The following DMBT1 variants were observed in gnomAD, a reference collection of about 807,000 sequenced individuals.
The protein encoded by DMBT1 is scavenger receptor cysteine-rich domain-containing protein DMBT1.
DMBT1 carries 198 observed loss-of-function variants against 252.9 expected under a neutral mutation model. The ratio of observed to expected loss-of-function variants is 0.78; its 90% CI spans 0.70 to 0.88. The LOEUF (loss-of-function observed/expected upper bound fraction) is 0.88. Among genes scored for constraint, DMBT1 ranks in the 40% least tolerant of loss-of-function variants. DMBT1 has a pLI of 0.00. For synonymous variants in DMBT1, 990 were observed against 942.7 expected, an observed-to-expected ratio of 1.05 and a Z score of -0.92; for missense variants, 2,432 against 2,404.7, an observed-to-expected ratio of 1.01 and a Z score of -0.24.
Position 122,598,912 on chromosome 10 carries a change from G to A in DMBT1, c.3095G>A (p.Arg1032Lys), listed in dbSNP as rs776942534. 28 of 1,613,736 alleles carry A rather than the reference G, an allele frequency of 1.7e-5. No homozygotes were observed. Among genetic ancestry groups the A allele is most frequent in the Non-Finnish European group, 2.1e-5 (25 of 1,179,772 alleles). The change falls in exon 26 of 56, where the codon AGG becomes AAG. Residue 1032 changes from arginine (R) to lysine (K), a missense_variant. Around this residue, in one of 3 missense-constraint regions of DMBT1, gnomAD observed 1,264 missense variants for 1,082.2 expected, o/e 1.17. Transcript: ENST00000338354. ...WDTNDANVVC[R>K]QLGCGWAMSA... ...ACCAATGATGCCAATGTCGTCTGCA[G>A]GCAACTGGGCTGTGGCTGGGCCATG...
chr10:122,631,895 A>G lies in DMBT1; in HGVS notation c.6367+20A>G. Reference sequence around the variant, plus strand: ...CACCTGGTAAGTCCCTCCGATTTCCATTCCACTTCCCTGGTCTCCAGGTCT... The same window carrying G: ...CACCTGGTAAGTCCCTCCGATTTCCGTTCCACTTCCCTGGTCTCCAGGTCT... On this transcript the variant is annotated intron_variant, in intron 50 of 55. Transcript: ENST00000338354. The G allele has an allele frequency of 6.2e-7, 1 of 1,613,090 alleles. No individual in the cohort carries two copies. The highest frequency in any genetic ancestry group is 8.5e-7 in the Non-Finnish European group (1 of 1,179,304).
chr10:122,632,781 A>G, intron 50 of DMBT1, 80 bp from the exon 51 acceptor site: 3 of 1,567,284 alleles, frequency 1.9e-6, no homozygotes, highest in Admixed American at 1.8e-5. Context: ...TTGGCACAGC[A>G]TCTGCACAGC....
At position 122,570,180 on chromosome 10, in the gene DMBT1, A is replaced by G. The variant is rs1367064735; in HGVS notation, c.110A>G (p.Glu37Gly). The change falls in exon 3 of 56, where the codon GAG becomes GGG. Residue 37 changes from glutamate (E) to glycine (G), a missense_variant. By Grantham distance (98) the Glu-to-Gly change is moderately conservative. Transcript: ENST00000338354. The stretch of plus-strand genomic sequence containing the variant: ...CTCGCAGCTTCACTGATTCCCTCGG[A>G]GGTGCCCTTGGATCCAACTGTAGCA... ...TTDYASLIPS[E>G]VPLDPTVAEG... 1 of 1,594,648 alleles carries G rather than the reference A, an allele frequency of 6.3e-7. No homozygotes were observed. The highest frequency in any genetic ancestry group is 8.6e-7 in the Non-Finnish European group (1 of 1,162,412).
intron 16 of DMBT1, among the ~76,000 whole-genome samples, chr10:122,588,618 C>T (rs1019864032): frequency 6.7e-6 from 1 of 148,946 alleles, no homozygotes; most frequent in African/African-American, 2.4e-5. Context: ...AACTCTTGAA[C>T]ATGGGGACAG....
intron 46 of DMBT1, among the ~76,000 whole-genome samples, chr10:122,628,031 A>T (rs916543619): frequency 6.6e-6 from 1 of 152,212 alleles, no homozygotes; most frequent in African/African-American, 2.4e-5. Flanking sequence ...AGTGTTGATG[A>T]GGATGTGGAG....
chr10:122,573,279 T>C (rs773345431), intron 5 of DMBT1, among the ~76,000 whole-genome samples: 3 of 149,714 alleles, frequency 2.0e-5, no homozygotes, highest in Non-Finnish European at 3.0e-5. Context: ...TAGTTTTGCA[T>C]TCTGGAAAGG....
At chr10:122,573,563 C>T (rs951327194) in intron 5 of DMBT1, among the ~76,000 whole-genome samples, 152 bp from the exon 6 acceptor site, 1 of 152,180 alleles carries the variant, frequency 6.6e-6, no homozygotes, top group African/African-American at 2.4e-5. Context: ...AGTACAATGA[C>T]AAAGCGATTG....
intron 10 of DMBT1, among the ~76,000 whole-genome samples, 154 bp downstream of exon 10, chr10:122,580,055 C>T (rs1269197750): frequency 6.6e-6 from 1 of 152,212 alleles, no homozygotes; most frequent in Non-Finnish European, 1.5e-5. Context: ...TATGTACTCA[C>T]TGCCTAGTGT....
chr10:122,629,671 G>A (rs763775166), intron 46 of DMBT1, among the ~76,000 whole-genome samples, 169 bp from the exon 47 acceptor site: 10 of 152,226 alleles, frequency 6.6e-5, no homozygotes, highest in Non-Finnish European at 1.5e-4. Context: ...AGCTTCTAAT[G>A]TTGGGCCACC....
intron 24 of DMBT1, among the ~76,000 whole-genome samples, chr10:122,597,490 C>A (rs984621556): frequency 9.8e-5 from 15 of 152,312 alleles, no homozygotes; most frequent in Middle Eastern, 6.8e-3. Context: ...CTCCCTTCCT[C>A]ACTCCTTCCA....
chr10:122,641,114 A>G (rs2133702874), intron 55 of DMBT1, among the ~76,000 whole-genome samples: 1 of 152,278 alleles, frequency 6.6e-6, no homozygotes, highest in South Asian at 2.1e-4. Context: ...CTGGGAGTCC[A>G]CGGGTTCCAG....
At chr10:122,623,250 C>T (rs2098087304) in intron 44 of DMBT1, among the ~76,000 whole-genome samples, 1 of 152,218 alleles carries the variant, frequency 6.6e-6, no homozygotes, top group African/African-American at 2.4e-5. Flanking sequence ...CTACTTTTAA[C>T]TGCCAACTAA....
chr10:122,590,702 C>G lies in DMBT1; in HGVS notation c.2137+8C>G. 6.3e-7 allele frequency: 1 copy of G among 1,587,232 alleles called. No homozygotes were observed. The highest frequency in any genetic ancestry group is 8.6e-7 in the Non-Finnish European group (1 of 1,164,880). On this transcript the variant is annotated splice_region_variant and intron_variant, in intron 18 of 55. Coordinates refer to ENST00000338354, the MANE Select transcript of DMBT1 (RefSeq NM_001377530.1). ...GGTCGACGCCCAGGCCAGGTGAGTCCCCAGTGTCCTTCCTTGGGATGTCCC... is the reference window on the plus strand; with the variant it reads ...GGTCGACGCCCAGGCCAGGTGAGTCGCCAGTGTCCTTCCTTGGGATGTCCC...
intron 41 of DMBT1, 90 bp from the exon 42 acceptor site, chr10:122,619,218 C>T: frequency 6.5e-7 from 1 of 1,534,206 alleles, no homozygotes; most frequent in East Asian, 2.2e-5. Context: ...GACTGAGTGT[C>T]AGGCTTGCCC....
chr10:122,575,653 GC>G (rs1394119562), intron 6 of DMBT1, among the ~76,000 whole-genome samples: 2 of 152,130 alleles, frequency 1.3e-5, no homozygotes, highest in African/African-American at 4.8e-5. Flanking sequence ...AGGTCATGTT[GC>G]CAACTATATC....
chr10:122,634,456 C>G (rs200204926), intron 52 of DMBT1, among the ~76,000 whole-genome samples: 1 of 101,714 alleles, frequency 9.8e-6, no homozygotes. Flanking sequence ...CTCTCTCTCT[C>G]TCTCTCTCTC....
intron 7 of DMBT1, 101 bp from the exon 8 acceptor site, chr10:122,577,710 G>C: frequency 7.3e-7 from 1 of 1,373,126 alleles, no homozygotes; most frequent in South Asian, 1.3e-5. Context: ...GCGTGTGATG[G>C]GCATCAGCTC....
chr10:122,598,016 A>T lies in DMBT1; in HGVS notation c.2956+4A>T, dbSNP rs2097900071. 6.2e-7 allele frequency: 1 copy of T among 1,613,794 alleles called. No homozygotes were observed. Among genetic ancestry groups the T allele is most frequent in the African/African-American group, 1.3e-5 (1 of 74,908 alleles). On this transcript the variant is annotated splice_donor_region_variant and intron_variant, in intron 25 of 55. Transcript: ENST00000338354. ...ACCTTGCCTGCATCGACAGTAGGTA[A>T]ATATTCCTCTCGCCCCTCCCTAGGG...
intron 16 of DMBT1, among the ~76,000 whole-genome samples, chr10:122,587,396 G>A (rs1460211590): frequency 7.4e-5 from 11 of 148,848 alleles, no homozygotes; most frequent in Admixed American, 2.0e-4. Context: ...GTGCTTGATT[G>A]CAATTCCCTC....
Sources: allele counts gnomAD v4.1 joint callset (sites outside exome capture counted in the v4.1 genomes callset), GRCh38; gene constraint gnomAD v4.1.1; regional missense constraint gnomAD v4.1.1; transcripts MANE v1.5; gene names NCBI Gene and HGNC (gene_info 2026-07-23, HGNC 2026-07-21).